The following LUC7L variants were observed in gnomAD, a reference collection of about 807,000 sequenced individuals.
The protein encoded by LUC7L is putative RNA-binding protein Luc7-like 1.
A neutral mutation model predicts 51.1 loss-of-function variants in LUC7L; 29 were observed. The ratio of observed to expected loss-of-function variants is 0.57; its 90% confidence interval spans 0.42 to 0.77. The LOEUF is 0.77. LUC7L is among the 30% of genes least tolerant of loss of function. The pLI is 0.00. For synonymous variants in LUC7L, 181 were observed against 180.7 expected (o/e 1.00, Z -0.01); for missense variants, 403 against 511.9 (o/e 0.79, Z 2.05).
chr16:212,961 G>C (rs1257955269), intron 3 of LUC7L, among the ~76,000 whole-genome samples: 1 of 152,052 alleles, frequency 6.6e-6, no homozygotes, highest in Non-Finnish European at 1.5e-5. Context: ...TGATTTTGTA[G>C]AGACTTTGCC....
rs1297273863 is a variant in LUC7L at position 229,427 on chromosome 16, G to A, written c.-88C>T. ...GCGTCGACAAACGATGGTCGCGTCG[G>A]CCTCGAGCCCACTCGGCTCTTTCCC... On this transcript the variant is annotated 5_prime_UTR_variant, in exon 1 of 10. Transcript: ENST00000293872. 11 of 1,222,740 alleles carry A rather than the reference G, an allele frequency of 9.0e-6. No homozygotes were observed. The highest frequency in any genetic ancestry group is 1.2e-5 in the Non-Finnish European group (11 of 916,792). 75.7% of individuals were successfully genotyped at this position (1,222,740 alleles called of 1,614,324 possible). A position where few individuals can be genotyped will look rare whatever the true frequency, so the allele number is the denominator to read the frequency against.
At chr16:196,577 G>C (rs554215262) in intron 6 of LUC7L, among the ~76,000 whole-genome samples, 254 of 152,206 alleles carry the variant, frequency 1.7e-3, no homozygotes, top group African/African-American at 5.9e-3. Context: ...GCCCAGGCTA[G>C]AGTGCAGTGG....
At chr16:189,719 G>A (rs756846964) in intron 9 of LUC7L, 70 of 1,367,892 alleles carry the variant, frequency 5.1e-5, no homozygotes, top group Middle Eastern at 2.7e-4. Context: ...GAGCATGGAC[G>A]CAACAGTGCA....
intron 1 of LUC7L, chr16:228,050 GAA>G: frequency 8.8e-7 from 1 of 1,136,734 alleles, no homozygotes; most frequent in Non-Finnish European, 1.1e-6. Context: ...AGTGTTAAAG[GAA>G]AAGTTTTCTT....
intron 2 of LUC7L, among the ~76,000 whole-genome samples, chr16:222,675 G>A (rs2050006606): frequency 6.8e-6 from 1 of 146,662 alleles, no homozygotes. Flanking sequence ...TTTCGCTCTT[G>A]TTGCCCAGAC....
intron 4 of LUC7L, among the ~76,000 whole-genome samples, chr16:207,065 G>C (rs1384875252): frequency 1.3e-5 from 2 of 151,782 alleles, no homozygotes; most frequent in Non-Finnish European, 2.9e-5. Context: ...TGGGCGTGGT[G>C]GTGGGCACCT....
chr16:204,933 G>C (rs1477365878), intron 5 of LUC7L, among the ~76,000 whole-genome samples: 1 of 152,142 alleles, frequency 6.6e-6, no homozygotes, highest in Non-Finnish European at 1.5e-5. Context: ...TACTGCAGTA[G>C]GAATGTACTG....
At chr16:196,270 T>C (rs992711065) in intron 6 of LUC7L, among the ~76,000 whole-genome samples, 1 of 151,908 alleles carries the variant, frequency 6.6e-6, no homozygotes, top group South Asian at 2.1e-4. Context: ...GAGCCAGGCA[T>C]GGTGGTGCAC....
intron 3 of LUC7L, chr16:209,587 T>C (rs1344677112): frequency 2.0e-5 from 3 of 152,026 alleles, no homozygotes; most frequent in African/African-American, 7.2e-5. Flanking sequence ...AGCTTGCTAA[T>C]GTCAGCATCA....
intron 7 of LUC7L, among the ~76,000 whole-genome samples, chr16:191,232 G>C (rs1477163926): frequency 6.6e-6 from 1 of 152,242 alleles, no homozygotes; most frequent in East Asian, 1.9e-4. Context: ...AGAATGTGCA[G>C]ACAGCGAGTG....
At chr16:197,033 G>GT (rs1567174836) in intron 6 of LUC7L, among the ~76,000 whole-genome samples, 1 of 148,476 alleles carries the variant, frequency 6.7e-6, no homozygotes, top group East Asian at 2.0e-4. Context: ...TCGGCCTCCC[G>GT]AGTAGCTGGG....
chr16:221,575 C>A (rs1161632406), intron 2 of LUC7L, among the ~76,000 whole-genome samples: 1 of 151,984 alleles, frequency 6.6e-6, no homozygotes, highest in Non-Finnish European at 1.5e-5. Flanking sequence ...GGTGGCAGGG[C>A]ACCTGTAATC....
chr16:203,717 C>T (rs377009877), intron 5 of LUC7L, among the ~76,000 whole-genome samples: 1,507 of 44,936 alleles, frequency 0.034, 38 homozygotes, highest in African/African-American at 0.12. Flanking sequence ...GGGCGGGGGG[C>T]GGGGTGGAGG....
intron 1 of LUC7L, chr16:228,666 T>C (rs1315797179): frequency 3.4e-6 from 4 of 1,183,318 alleles, no homozygotes; most frequent in South Asian, 1.6e-5. Context: ...ACAACCATCA[T>C]GATCTTGAGC....
At position 227,303 on chromosome 16, in the gene LUC7L, T is replaced by C; in HGVS notation, c.95A>G (p.Asp32Gly). The C allele has an allele frequency of 6.2e-7, 1 of 1,612,202 alleles. No individual in the cohort carries two copies. Among genetic ancestry groups the C allele is most frequent in the South Asian group, 1.1e-5 (1 of 90,624 alleles). ...AAGGTGACTCTTGCAGACACGGTCA[T>C]CTGTAAACTTGACCCTCTGTCTGGT... is the stretch of plus-strand genomic sequence containing the variant. ...DETRQRVKFTDDRVCKSHLLD... is the reference protein window; with the variant it reads ...DETRQRVKFTGDRVCKSHLLD... Residue 32 changes from aspartate (D) to glycine (G), a missense_variant, in exon 2 of 10, where the codon GAT becomes GGT. Around this residue, in one of 3 missense-constraint regions of LUC7L, gnomAD observed 182 missense variants for 248.4 expected, o/e 0.73. Transcript: ENST00000293872.
chr16:206,362 C>T (rs571330159), intron 4 of LUC7L, among the ~76,000 whole-genome samples: 3 of 152,242 alleles, frequency 2.0e-5, no homozygotes, highest in Admixed American at 6.5e-5. Context: ...TTGTCACTTC[C>T]GACATGCTTC....
intron 6 of LUC7L, among the ~76,000 whole-genome samples, chr16:197,593 G>A (rs574580893): frequency 4.7e-4 from 71 of 152,084 alleles, no homozygotes; most frequent in Non-Finnish European, 9.1e-4. Context: ...AAATTCTCTC[G>A]GGAACACGGA....
intron 1 of LUC7L, chr16:228,293 CT>C: frequency 1.5e-6 from 2 of 1,302,222 alleles, no homozygotes; most frequent in Non-Finnish European, 2.0e-6. Context: ...AAAGCAAACA[CT>C]TTTTTGTTAT....
chr16:212,739 A>G (rs2049679688), intron 3 of LUC7L, among the ~76,000 whole-genome samples: 1 of 152,158 alleles, frequency 6.6e-6, no homozygotes, highest in Non-Finnish European at 1.5e-5. Flanking sequence ...TTACAAAGAC[A>G]CATTCATTAC....
Sources: allele counts gnomAD v4.1 joint callset (sites outside exome capture counted in the v4.1 genomes callset), GRCh38; gene constraint gnomAD v4.1.1; regional missense constraint gnomAD v4.1.1; transcripts MANE v1.5; gene names NCBI Gene and HGNC (gene_info 2026-07-23, HGNC 2026-07-21).